KCNAB1: variants seen among roughly 807,000 people sequenced by gnomAD.
KCNAB1 encodes voltage-gated potassium channel subunit beta-1.
KCNAB1 carries 35 observed loss-of-function variants against 64.6 expected under a neutral mutation model. That is an observed-to-expected ratio of 0.54 (90% confidence interval 0.41 to 0.72). The LOEUF is 0.72. KCNAB1 is among the 30% of genes least tolerant of loss of function. The pLI is 0.00. For missense variants in KCNAB1, 401 were observed against 512.9 expected (o/e 0.78, Z 2.11); for synonymous variants, 177 against 183.8 (o/e 0.96, Z 0.30).
chr3:156,358,085 T>G (rs542186335), intron 1 of KCNAB1, among the ~76,000 whole-genome samples: 160 of 152,316 alleles, frequency 1.1e-3, no homozygotes, highest in African/African-American at 3.7e-3. Flanking sequence ...TATTGTTGTT[T>G]TGAGTAAACA....
chr3:156,193,994 A>T (rs1713727153), intron 1 of KCNAB1, among the ~76,000 whole-genome samples: 1 of 152,164 alleles, frequency 6.6e-6, no homozygotes, highest in Non-Finnish European at 1.5e-5. Flanking sequence ...TACACCACAT[A>T]AAGCAAAAGA....
chr3:156,273,783 C>T (rs1376073559), intron 1 of KCNAB1: 2 of 394,814 alleles, frequency 5.1e-6, no homozygotes, highest in Non-Finnish European at 1.0e-5. Context: ...ATGGAGGCTT[C>T]TATTCAGCTA....
At chr3:156,291,473 C>A (rs1720413363) in intron 1 of KCNAB1, 37 of 1,040,718 alleles carry the variant, frequency 3.6e-5, no homozygotes, top group Non-Finnish European at 4.3e-5. Context: ...TGATTTGAGC[C>A]ATCGCCCAGA....
intron 8 of KCNAB1, among the ~76,000 whole-genome samples, chr3:156,512,037 C>T (rs1012868969): frequency 6.6e-6 from 1 of 152,184 alleles, no homozygotes; most frequent in Non-Finnish European, 1.5e-5. Context: ...CATGATTGCT[C>T]TTCAGTGAGA....
intron 1 of KCNAB1, among the ~76,000 whole-genome samples, chr3:156,248,697 A>T (rs1158737415): frequency 6.6e-6 from 1 of 152,146 alleles, no homozygotes; most frequent in African/African-American, 2.4e-5. Flanking sequence ...TCACATGTTG[A>T]CTTTACGGTT....
intron 2 of KCNAB1, among the ~76,000 whole-genome samples, chr3:156,424,294 G>A (rs953484368): frequency 1.3e-5 from 2 of 152,176 alleles, no homozygotes; most frequent in African/African-American, 2.4e-5. Context: ...GCTGGCATGT[G>A]TGAAGGGGTA....
chr3:156,128,349 A>G (rs1362141924), intron 1 of KCNAB1, among the ~76,000 whole-genome samples: 1 of 152,222 alleles, frequency 6.6e-6, no homozygotes, highest in Non-Finnish European at 1.5e-5. Context: ...TCTCTGAAAG[A>G]AAAAGGGGAT....
intron 3 of KCNAB1, among the ~76,000 whole-genome samples, chr3:156,456,536 T>G (rs762266662): frequency 9.2e-5 from 14 of 152,236 alleles, no homozygotes; most frequent in Non-Finnish European, 1.9e-4. Flanking sequence ...ATGGACTCCA[T>G]TTTGCTAGCT....
At chr3:156,158,080 G>C (rs949858947) in intron 1 of KCNAB1, among the ~76,000 whole-genome samples, 1 of 151,200 alleles carries the variant, frequency 6.6e-6, no homozygotes, top group Non-Finnish European at 1.5e-5. Context: ...CAGGAGAATG[G>C]CGTGAACCCG....
chr3:156,134,773 A>G (rs1034481970), intron 1 of KCNAB1, among the ~76,000 whole-genome samples: 2 of 152,224 alleles, frequency 1.3e-5, no homozygotes, highest in African/African-American at 4.8e-5. Context: ...TTTCTCAGCC[A>G]AAGAAAACAT....
At chr3:156,217,599 A>T (rs927679305) in intron 1 of KCNAB1, among the ~76,000 whole-genome samples, 5 of 152,240 alleles carry the variant, frequency 3.3e-5, no homozygotes, top group African/African-American at 1.2e-4. Flanking sequence ...AGTTCCAGGG[A>T]TGTAGAGACT....
intron 1 of KCNAB1, among the ~76,000 whole-genome samples, chr3:156,215,253 AC>A (rs1306192417): frequency 1.3e-5 from 2 of 152,136 alleles, no homozygotes; most frequent in Non-Finnish European, 2.9e-5. Context: ...GTCAAACAAA[AC>A]CTACGCTCTT....
intron 1 of KCNAB1, among the ~76,000 whole-genome samples, chr3:156,322,163 T>C (rs78855503): frequency 0.03 from 4,506 of 152,232 alleles, 228 homozygotes; most frequent in African/African-American, 0.1. Flanking sequence ...AAGGGCAGAT[T>C]CTCCCAGCTC....
intron 1 of KCNAB1, chr3:156,142,861 C>T (rs1438388349): frequency 2.5e-6 from 1 of 398,390 alleles, no homozygotes; most frequent in African/African-American, 2.1e-5. Context: ...GGAAAAAGTT[C>T]CCATATTTTT....
intron 8 of KCNAB1, among the ~76,000 whole-genome samples, chr3:156,505,619 C>T (rs866274780): frequency 2.0e-5 from 3 of 152,060 alleles, no homozygotes; most frequent in African/African-American, 2.4e-5. Context: ...TTTTTACCTT[C>T]TTAAATTTAT....
At chr3:156,454,960 A>G (rs567186692) in intron 3 of KCNAB1, among the ~76,000 whole-genome samples, 1 of 152,288 alleles carries the variant, frequency 6.6e-6, no homozygotes, top group East Asian at 1.9e-4. Context: ...TCAAGTCTAA[A>G]AACTACGATA....
At chr3:156,450,230 T>C (rs1711894324) in intron 2 of KCNAB1, among the ~76,000 whole-genome samples, 1 of 152,128 alleles carries the variant, frequency 6.6e-6, no homozygotes, top group South Asian at 2.1e-4. Context: ...ACTCCACACA[T>C]CCTGAGAGCT....
At position 156,144,015 on chromosome 3, in the gene KCNAB1, G is replaced by C. The variant is rs528251395; in HGVS notation, c.275+23129G>C. Among the ~76,000 whole-genome samples the C allele has an allele frequency of 5.9e-5, 9 of 152,066 alleles. 1 individual carries two copies. The highest frequency in any genetic ancestry group is 1.7e-4 in the African/African-American group (7 of 41,472). ...CAATATCATTATTTATTTTATGAAA[G>C]ATTAACAAAAAGGAGAAATGTTTTC... On this transcript the variant is annotated intron_variant, in intron 1 of 13. Coordinates refer to ENST00000490337, the MANE Select transcript of KCNAB1 (RefSeq NM_172160.3).
intron 1 of KCNAB1, among the ~76,000 whole-genome samples, chr3:156,412,903 T>C (rs902750263): frequency 1.5e-4 from 23 of 152,210 alleles, no homozygotes; most frequent in African/African-American, 5.5e-4. Context: ...TTGAGCTTCA[T>C]TGTTTTGATG....
Sources: allele counts gnomAD v4.1 joint callset (sites outside exome capture counted in the v4.1 genomes callset), GRCh38; gene constraint gnomAD v4.1.1; transcripts MANE v1.5; gene names NCBI Gene and HGNC (gene_info 2026-07-23, HGNC 2026-07-21).